The following ZNF678 variants were observed in gnomAD, a reference collection of about 807,000 sequenced individuals.
ZNF678 encodes zinc finger protein 678.
Under a neutral mutation model 3.0 loss-of-function variants are expected in ZNF678, and 5 were observed. The observed-to-expected ratio is 1.69, with a 90% CI of 0.88 to 3.56. ZNF678 has a LOEUF of 3.56. Ranked by LOEUF, ZNF678 falls within the 30% of genes most tolerant of loss-of-function variation. The probability of loss-of-function intolerance (pLI) is 0.00; values close to 1 mark genes in which losing one functional copy is unlikely to be tolerated. For missense variants in ZNF678, 593 were observed against 605.0 expected (o/e 0.98, Z 0.21); for synonymous variants, 218 against 199.6 (o/e 1.09, Z -0.78).
chr1:227,638,419 G>T lies in ZNF678; in HGVS notation c.-163-8125G>T, dbSNP rs1015677529. 1.3e-5 allele frequency among the ~76,000 whole-genome samples: 2 copies of T among 152,152 alleles called. No homozygotes were observed. Among genetic ancestry groups the T allele is most frequent in the Non-Finnish European group, 2.9e-5 (2 of 68,032 alleles). ...GGGGATTTTGTTGGGCAGAGTAGGT[G>T]ACTAGCAAGGAGGTGAGAAACGATA... On this transcript the variant is annotated intron_variant, in intron 1 of 3. Coordinates refer to ENST00000343776, the MANE Select transcript of ZNF678 (RefSeq NM_001367909.1). This position sits in a 1 kb window ranked among gnomAD's most constrained non-coding sequence, Gnocchi z 4.2.
rs1659401666 is a variant in ZNF678, at chr1:227,661,364, G to A, written c.*5536G>A. On this transcript the variant is annotated 3_prime_UTR_variant, in exon 4 of 4. Coordinates refer to ENST00000343776, the MANE Select transcript of ZNF678 (RefSeq NM_001367909.1). ...CTGTTTTGTCTATGTCAAGAACAAA[G>A]ACCAGGCAAAAGAAATGTCAAGCCG... The A allele has an allele frequency of 6.6e-6, 1 of 151,912 alleles. No individual in the cohort carries two copies. Among genetic ancestry groups the A allele is most frequent in the Non-Finnish European group, 1.5e-5 (1 of 67,972 alleles). 9.4% of individuals were successfully genotyped at this position (151,912 alleles called of 1,614,324 possible).
chr1:227,676,672 CT>C (rs1659686149), intron 5 of ZNF678, among the ~76,000 whole-genome samples: 4 of 138,564 alleles, frequency 2.9e-5, no homozygotes, highest in African/African-American at 1.1e-4. Context: ...TCCCTCCCCC[CT>C]CCCCCTCCCC....
At chr1:227,636,036 G>A (rs868825623) in intron 1 of ZNF678, among the ~76,000 whole-genome samples, 10 of 152,164 alleles carry the variant, frequency 6.6e-5, no homozygotes, top group Non-Finnish European at 7.3e-5. Context: ...GGTATCCATC[G>A]TGTCGTTGTA....
At chr1:227,619,673 G>A (rs1490645043) in intron 1 of ZNF678, among the ~76,000 whole-genome samples, 1 of 152,008 alleles carries the variant, frequency 6.6e-6, no homozygotes, top group Non-Finnish European at 1.5e-5. Flanking sequence ...CACCACGACT[G>A]GCTAATTTTT....
chr1:227,595,806 G>C (rs1192944631), intron 1 of ZNF678, among the ~76,000 whole-genome samples: 2 of 152,124 alleles, frequency 1.3e-5, no homozygotes, highest in Non-Finnish European at 2.9e-5. Context: ...CCAGAGTGCT[G>C]GTACAGGCAC....
At chr1:227,648,848 A>C (rs190596278) in intron 2 of ZNF678, among the ~76,000 whole-genome samples, 1 of 152,148 alleles carries the variant, frequency 6.6e-6, no homozygotes, top group Admixed American at 6.5e-5. Context: ...AAACAAAAAA[A>C]CTGAAAAACA....
chr1:227,589,673 C>T lies in ZNF678; in HGVS notation c.-164+25949C>T, dbSNP rs143885066. ...GGGGTGCATGACTGGGGACTGCATG[C>T]ACCAGTAATCAGAACGAAACATAAC... On this transcript the variant is annotated intron_variant, in intron 1 of 3. Coordinates refer to ENST00000343776, the MANE Select transcript of ZNF678 (RefSeq NM_001367909.1). Among the ~76,000 whole-genome samples the T allele has an allele frequency of 3.2e-3, 487 of 151,734 alleles. 12 individuals are homozygous for T. Among genetic ancestry groups the T allele is most frequent in the African/African-American group, 0.01 (428 of 41,184 alleles).
chr1:227,565,058 T>TA (rs1211226766), intron 1 of ZNF678, among the ~76,000 whole-genome samples: 2,381 of 126,610 alleles, frequency 0.019, 94 homozygotes, highest in South Asian at 0.074. Flanking sequence ...ACCCGGCTTT[T>TA]TTTTTTTTTT....
chr1:227,618,002 G>T, intron 1 of ZNF678, among the ~76,000 whole-genome samples: 1 of 152,086 alleles, frequency 6.6e-6, no homozygotes, highest in Non-Finnish European at 1.5e-5. Context: ...ATAAATGTCC[G>T]CCCACCAAGG....
chr1:227,672,498 C>T (rs1249395784), intron 5 of ZNF678, among the ~76,000 whole-genome samples: 2 of 152,060 alleles, frequency 1.3e-5, no homozygotes, highest in Admixed American at 6.6e-5. Flanking sequence ...GGAGCTGATG[C>T]GATCTCTGGG....
At chr1:227,630,531 A>G (rs1352788857) in intron 1 of ZNF678, among the ~76,000 whole-genome samples, 1 of 152,256 alleles carries the variant, frequency 6.6e-6, no homozygotes, top group Admixed American at 6.5e-5. Context: ...TCTCCATGTC[A>G]GATCAAAGGA....
intron 5 of ZNF678, among the ~76,000 whole-genome samples, chr1:227,668,876 T>A (rs1380826893): frequency 6.8e-6 from 1 of 146,608 alleles, no homozygotes; most frequent in Non-Finnish European, 1.5e-5. Context: ...GTTGTAGGTG[T>A]ATGGCCTTAT....
chr1:227,669,407 C>T (rs1371873732), intron 5 of ZNF678, among the ~76,000 whole-genome samples: 2 of 151,926 alleles, frequency 1.3e-5, no homozygotes, highest in African/African-American at 2.4e-5. Flanking sequence ...GAGGCCGAGG[C>T]GGGTGGATCA....
At chr1:227,627,146 A>G (rs1658439778) in intron 1 of ZNF678, among the ~76,000 whole-genome samples, 1 of 151,054 alleles carries the variant, frequency 6.6e-6, no homozygotes, top group Non-Finnish European at 1.5e-5. Flanking sequence ...TGTCTGCTTG[A>G]TAGTTTTGAA....
intron 1 of ZNF678, among the ~76,000 whole-genome samples, chr1:227,566,950 G>C (rs1656704502): frequency 6.6e-6 from 1 of 152,136 alleles, no homozygotes. Flanking sequence ...TTTTCATTAT[G>C]CCTATAGGAA....
intron 1 of ZNF678, among the ~76,000 whole-genome samples, chr1:227,620,943 A>G (rs781270746): frequency 3.9e-5 from 6 of 152,134 alleles, no homozygotes; most frequent in Admixed American, 1.3e-4. Context: ...TTAGAGGTAG[A>G]TCACATTACT....
Position 227,582,776 on chromosome 1 carries a change from G to T in ZNF678, c.-164+19052G>T, listed in dbSNP as rs1657163769. 3.3e-5 allele frequency among the ~76,000 whole-genome samples: 5 copies of T among 152,186 alleles called. No individual in the cohort carries two copies. The South Asian group carries it at 1.0e-3, about 32-fold the overall frequency. On this transcript the variant is annotated intron_variant, in intron 1 of 3. Coordinates refer to ENST00000343776, the MANE Select transcript of ZNF678 (RefSeq NM_001367909.1). ...GTGTGTGGCCTGAGATAAGAATCAAGATCTTTTCTGTGTGTGTGTGTGAAT... is the reference window on the plus strand; with the variant it reads ...GTGTGTGGCCTGAGATAAGAATCAATATCTTTTCTGTGTGTGTGTGTGAAT...
intron 1 of ZNF678, among the ~76,000 whole-genome samples, chr1:227,605,854 A>AAC (rs1254356763): frequency 6.6e-6 from 1 of 152,144 alleles, no homozygotes; most frequent in Non-Finnish European, 1.5e-5. Flanking sequence ...GTACTTATAA[A>AAC]ACACACACAC....
chr1:227,611,870 G>A (rs943333527), intron 1 of ZNF678, among the ~76,000 whole-genome samples: 1 of 152,262 alleles, frequency 6.6e-6, no homozygotes, highest in South Asian at 2.1e-4. Flanking sequence ...TTGGATCTGA[G>A]AACCCTATTC....
Sources: gnomAD v4.1 joint callset for allele counts (sites outside exome capture counted in the v4.1 genomes callset) on GRCh38, gnomAD v4.1.1 for gene constraint, Gnocchi (gnomAD v3.1) non-coding constraint, MANE v1.5 for transcripts, NCBI Gene and HGNC (gene_info 2026-07-23, HGNC 2026-07-21) for gene names.